Variants in DLST observed in about 807,000 individuals in gnomAD.
The protein encoded by DLST is dihydrolipoamide S-succinyltransferase.
Under a neutral mutation model 53.1 loss-of-function variants are expected in DLST, and 17 were observed. That is an observed-to-expected ratio of 0.32 (90% CI 0.22 to 0.48). The LOEUF is 0.48. Ranked by LOEUF, DLST falls within the 20% of genes least tolerant of loss-of-function variation. The pLI is 0.99. For synonymous variants in DLST, 206 were observed against 204.8 expected, an observed-to-expected ratio of 1.01 and a Z score of -0.05; for missense variants, 512 against 583.9, an observed-to-expected ratio of 0.88 and a Z score of 1.27.
chr14:74,889,695 CTTAAGT>C, intron 5 of DLST, 196 bp from the exon 6 acceptor site: 8 of 582,262 alleles, frequency 1.4e-5, no homozygotes, highest in South Asian at 6.9e-5. Flanking sequence ...CCTCTCACTT[CTTAAGT>C]TTAAGTGCTA....
Position 74,891,125 on chromosome 14 carries a change from G to C in DLST, c.400G>C (p.Val134Leu). The C allele has an allele frequency of 1.2e-6, 2 of 1,614,204 alleles. No individual in the cohort carries two copies. Among genetic ancestry groups the C allele is most frequent in the South Asian group, 1.1e-5 (1 of 91,084 alleles). Residue 134 changes from valine to leucine, a missense_variant, in exon 7 of 15, where the codon GTC becomes CTC. Around this residue, in one of 4 missense-constraint regions of DLST, gnomAD observed 162 missense variants for 162.0 expected, o/e 1.00. Transcript: ENST00000334220. ...TCTTTTGGTACCTGATGGGGGAAAA[G>C]TCGAAGGAGGCACTCCACTTTTCAC... ...EALLVPDGGK[V>L]EGGTPLFTLR...
In DLST at chr14:74,884,452, A is replaced by G. The variant is rs932800480; in HGVS notation, c.98-1134A>G. On this transcript the variant is annotated intron_variant, in intron 2 of 14. Transcript: ENST00000334220. Reference sequence around the variant, plus strand: ...GATTTGCATTTGGGCTCAGGGATTCACCTTGGGCTAGTCGCTTAACCTCCA... The same window carrying G: ...GATTTGCATTTGGGCTCAGGGATTCGCCTTGGGCTAGTCGCTTAACCTCCA... Among the ~76,000 whole-genome samples the G allele has an allele frequency of 4.6e-5, 7 of 152,180 alleles. No individual in the cohort carries two copies. The South Asian group carries it at 1.4e-3, about 31-fold the overall frequency.
Position 74,889,937 on chromosome 14 carries a change from G to A in DLST, c.315G>A (p.Glu105=). Residue 105 remains glutamate (E), a synonymous_variant, in exon 6 of 15, where the codon GAG becomes GAA. Coordinates refer to ENST00000334220, the MANE Select transcript of DLST (RefSeq NM_001933.5). ...TTGCAGAAGATGAAGTGGTTTGTGAGATTGAAACTGACAAGGTAGGCTTAT... is the reference window on the plus strand; with the variant it reads ...TTGCAGAAGATGAAGTGGTTTGTGAAATTGAAACTGACAAGGTAGGCTTAT... ...DTVAEDEVVC[E]IETDKTSVQV... 6.2e-7 allele frequency: 1 copy of A among 1,613,894 alleles called. No homozygotes were observed. Among genetic ancestry groups the A allele is most frequent in the South Asian group, 1.1e-5 (1 of 91,054 alleles).
At chr14:74,890,284 C>T (rs1040518181) in intron 6 of DLST, among the ~76,000 whole-genome samples, 9 of 151,992 alleles carry the variant, frequency 5.9e-5, no homozygotes, top group African/African-American at 1.4e-4. Context: ...CATGCCACAA[C>T]GCCGGGCTAA....
intron 13 of DLST, among the ~76,000 whole-genome samples, chr14:74,900,592 T>C (rs1252413441): frequency 6.6e-6 from 1 of 152,214 alleles, no homozygotes; most frequent in Non-Finnish European, 1.5e-5. Flanking sequence ...AAGATCATCT[T>C]TGAAGTCTTC....
At chr14:74,900,159 A>G in intron 12 of DLST, 130 bp from the exon 13 acceptor site, 1 of 1,103,166 alleles carries the variant, frequency 9.1e-7, no homozygotes, top group South Asian at 1.3e-5. Context: ...TTCTTTTAAC[A>G]CTTTCTGTTA....
At chr14:74,893,787 A>AG (rs1340987625) in intron 9 of DLST, among the ~76,000 whole-genome samples, 1 of 152,188 alleles carries the variant, frequency 6.6e-6, no homozygotes, top group Non-Finnish European at 1.5e-5. Context: ...TGGGATACTT[A>AG]GCTGTAGCTA....
At chr14:74,884,592 A>C (rs1294526748) in intron 2 of DLST, among the ~76,000 whole-genome samples, 1 of 152,192 alleles carries the variant, frequency 6.6e-6, no homozygotes, top group African/African-American at 2.4e-5. Flanking sequence ...ATAAACCCTA[A>C]AGCACTGTAC....
chr14:74,890,980 A>G, intron 6 of DLST, 76 bp from the exon 7 acceptor site: 1 of 1,540,616 alleles, frequency 6.5e-7, no homozygotes. Flanking sequence ...GCCTGGCTTC[A>G]TTGGAGATTC....
In DLST at chr14:74,892,478, A is replaced by G. The variant is rs928941805; in HGVS notation, c.443-356A>G. Among the ~76,000 whole-genome samples the G allele has an allele frequency of 3.3e-5, 5 of 151,734 alleles. No homozygotes were observed. The South Asian group carries it at 1.0e-3, about 31-fold the overall frequency. On this transcript the variant is annotated intron_variant, in intron 7 of 14. Transcript: ENST00000334220. ...AGTATCAGTAATTAGAAATATGTTT[A>G]TGTATGCATTTCAATATTTTAAATT...
intron 10 of DLST, among the ~76,000 whole-genome samples, chr14:74,897,840 G>A (rs552445368): frequency 1.3e-4 from 20 of 151,884 alleles, no homozygotes; most frequent in African/African-American, 4.6e-4. Context: ...GCTTTTTCCC[G>A]CATGGAGCCT....
chr14:74,889,858 G>A lies in DLST; in HGVS notation c.275-39G>A, dbSNP rs764399642. ...GTTTTGTGGCTACTGGAGGCTCCCC[G>A]CTAACAGGTAGCCTTGTAGCCTTTG... On this transcript the variant is annotated intron_variant, in intron 5 of 14. Transcript: ENST00000334220. The A allele has an allele frequency of 5.0e-6, 8 of 1,609,944 alleles. No individual in the cohort carries two copies. In the Admixed American group the frequency reaches 5.0e-5, roughly 10 times the overall value.
chr14:74,900,718 G>A (rs1884218276), intron 13 of DLST, among the ~76,000 whole-genome samples: 1 of 152,150 alleles, frequency 6.6e-6, no homozygotes, highest in Non-Finnish European at 1.5e-5. Context: ...AAGCTTTCTG[G>A]ACTTCCTTTG....
chr14:74,885,981 G>A (rs1883690145), intron 3 of DLST: 1 of 211,720 alleles, frequency 4.7e-6, no homozygotes, highest in Non-Finnish European at 9.4e-6. Flanking sequence ...CATTTATTGT[G>A]GAGATTGAGA....
At chr14:74,886,318 A>G (rs1407338501) in intron 3 of DLST, among the ~76,000 whole-genome samples, 2 of 152,156 alleles carry the variant, frequency 1.3e-5, no homozygotes, top group African/African-American at 2.4e-5. Flanking sequence ...TCTACATCAC[A>G]ATGAGGGTTT....
chr14:74,885,523 T>A (rs1216687766), intron 2 of DLST, 63 bp from the exon 3 acceptor site: 2 of 1,558,258 alleles, frequency 1.3e-6, no homozygotes, highest in Non-Finnish European at 1.8e-6. Context: ...ACCTTTTCCA[T>A]TCCCAGCATG....
At chr14:74,883,222 G>T (rs1230206587) in intron 2 of DLST, among the ~76,000 whole-genome samples, 1 of 151,734 alleles carries the variant, frequency 6.6e-6, no homozygotes, top group African/African-American at 2.4e-5. Flanking sequence ...GTGAAGCCGG[G>T]AGGCGGAGCT....
At chr14:74,884,824 A>G (rs910056540) in intron 2 of DLST, among the ~76,000 whole-genome samples, 5 of 152,224 alleles carry the variant, frequency 3.3e-5, no homozygotes, top group African/African-American at 4.8e-5. Flanking sequence ...TCCTGAGCCC[A>G]TGGTTCAGAA....
At chr14:74,898,588 C>A (rs1884145704) in intron 11 of DLST, 89 bp downstream of exon 11, 3 of 1,462,570 alleles carry the variant, frequency 2.1e-6, no homozygotes, top group Non-Finnish European at 1.8e-6. Context: ...ATCAACAGAC[C>A]AAGGCTTTTT....
Sources: gnomAD v4.1 joint callset for allele counts (sites outside exome capture counted in the v4.1 genomes callset) on GRCh38, gnomAD v4.1.1 for gene constraint, gnomAD v4.1.1 regional missense constraint, MANE v1.5 for transcripts, NCBI Gene and HGNC (gene_info 2026-07-23, HGNC 2026-07-21) for gene names.